Variants in PPARGC1A observed in about 807,000 individuals in gnomAD.
The protein encoded by PPARGC1A is PPARG coactivator 1 alpha.
Under a neutral mutation model 88.7 loss-of-function variants are expected in PPARGC1A, and 25 were observed. The ratio of observed to expected loss-of-function variants is 0.28; its 90% CI spans 0.21 to 0.39. PPARGC1A has a LOEUF of 0.39. Among genes scored for constraint, PPARGC1A ranks in the 10% least tolerant of loss-of-function variants. The probability of loss-of-function intolerance (pLI) is 1.00; values close to 1 mark genes in which losing one functional copy is unlikely to be tolerated. For missense variants in PPARGC1A, 880 were observed against 968.7 expected, an observed-to-expected ratio of 0.91 and a Z score of 1.22; for synonymous variants, 363 against 355.6, an observed-to-expected ratio of 1.02 and a Z score of -0.24.
intron 2 of PPARGC1A, among the ~76,000 whole-genome samples, chr4:23,856,047 C>A (rs2148685731): frequency 6.6e-6 from 1 of 152,298 alleles, no homozygotes; most frequent in African/African-American, 2.4e-5. Context: ...GAACTATCCC[C>A]AGGTTCTCCC....
chr4:23,846,128 TA>T (rs1184713284), intron 2 of PPARGC1A, among the ~76,000 whole-genome samples: 2 of 152,168 alleles, frequency 1.3e-5, no homozygotes, highest in Non-Finnish European at 2.9e-5. Flanking sequence ...AAGACAGGTG[TA>T]AATGGATCTG....
the PPARGC1A span, among the ~76,000 whole-genome samples, chr4:23,992,458 T>C: frequency 6.6e-6 from 1 of 152,062 alleles, no homozygotes; most frequent in East Asian, 1.9e-4. Context: ...ATGGGTATTA[T>C]GTTTCTCAGG....
At chr4:24,338,231 A>G in the PPARGC1A span, among the ~76,000 whole-genome samples, 1 of 152,146 alleles carries the variant, frequency 6.6e-6, no homozygotes, top group African/African-American at 2.4e-5. Context: ...CCACTGAACC[A>G]CACCGAGCGC....
the PPARGC1A span, among the ~76,000 whole-genome samples, chr4:24,238,743 A>ATGTGTGTGTGTGTG: frequency 8.4e-6 from 1 of 118,542 alleles, no homozygotes; most frequent in Non-Finnish European, 1.8e-5. Flanking sequence ...CCAAGGTTGT[A>ATGTGTGTGTGTGTG]TATGTGTGTG....
the PPARGC1A span, among the ~76,000 whole-genome samples, chr4:24,310,169 C>T: frequency 2.0e-5 from 3 of 152,106 alleles, no homozygotes; most frequent in South Asian, 6.2e-4. Flanking sequence ...ACACGTGGAG[C>T]TCAAGAGAGT....
In PPARGC1A at chr4:23,801,721, A is replaced by T. The variant is rs745876081; in HGVS notation, c.2293+9T>A. ...GGATTCCTCATTCCACGTACAATAAAATCCATACCTAGGTCTGCATAGTTA... is the reference window on the plus strand; with the variant it reads ...GGATTCCTCATTCCACGTACAATAATATCCATACCTAGGTCTGCATAGTTA... On this transcript the variant is annotated intron_variant, in intron 12 of 12. Coordinates refer to ENST00000264867, the MANE Select transcript of PPARGC1A (RefSeq NM_013261.5). 17 of 1,613,716 alleles carry T rather than the reference A, an allele frequency of 1.1e-5. No individual in the cohort carries two copies. The highest frequency in any genetic ancestry group is 6.8e-6 in the Non-Finnish European group (8 of 1,179,826).
At chr4:24,228,154 T>C in the PPARGC1A span, among the ~76,000 whole-genome samples, 1 of 152,144 alleles carries the variant, frequency 6.6e-6, no homozygotes, top group African/African-American at 2.4e-5. Context: ...GATAAAGTGA[T>C]CTAATCCTTG....
chr4:24,411,657 G>A, the PPARGC1A span, among the ~76,000 whole-genome samples: 1 of 152,140 alleles, frequency 6.6e-6, no homozygotes, highest in Non-Finnish European at 1.5e-5. Context: ...TAAAAATCCT[G>A]TGTTCCATCT....
the PPARGC1A span, among the ~76,000 whole-genome samples, chr4:23,976,430 C>T: frequency 6.6e-6 from 1 of 152,170 alleles, no homozygotes; most frequent in Non-Finnish European, 1.5e-5. Context: ...AAGTGTATAA[C>T]TTTTGCTTTC....
At chr4:24,176,829 C>G in the PPARGC1A span, among the ~76,000 whole-genome samples, 1 of 152,146 alleles carries the variant, frequency 6.6e-6, no homozygotes, top group East Asian at 1.9e-4. Context: ...CTCAAACCAC[C>G]AGCATGACAC....
chr4:23,979,501 G>T, the PPARGC1A span, among the ~76,000 whole-genome samples: 6 of 152,144 alleles, frequency 3.9e-5, no homozygotes, highest in Non-Finnish European at 8.8e-5. Context: ...GGGGATGGAG[G>T]TTCTATTCTG....
chr4:23,837,361 C>T (rs762895846), intron 2 of PPARGC1A, among the ~76,000 whole-genome samples: 4 of 141,706 alleles, frequency 2.8e-5, no homozygotes, highest in Admixed American at 7.4e-5. Context: ...ATTCCTATTA[C>T]GGAATTTTTT....
At chr4:24,143,145 G>A in the PPARGC1A span, among the ~76,000 whole-genome samples, 12 of 152,180 alleles carry the variant, frequency 7.9e-5, no homozygotes, top group African/African-American at 4.8e-5. Context: ...GTTATTTGGG[G>A]TAAAGGAGAA....
At chr4:24,030,221 G>T in the PPARGC1A span, among the ~76,000 whole-genome samples, 22 of 152,178 alleles carry the variant, frequency 1.4e-4, no homozygotes, top group African/African-American at 5.3e-4. Context: ...CAGAACTTTT[G>T]ATTTCAACGA....
the PPARGC1A span, among the ~76,000 whole-genome samples, chr4:24,452,526 C>G: frequency 2.6e-5 from 4 of 152,330 alleles, no homozygotes; most frequent in South Asian, 2.1e-4. Flanking sequence ...TCCTTGTTGA[C>G]AGCCAGCTAA....
At chr4:24,200,721 G>C in the PPARGC1A span, among the ~76,000 whole-genome samples, 1 of 144,002 alleles carries the variant, frequency 6.9e-6, no homozygotes, top group African/African-American at 2.5e-5. Flanking sequence ...ATGGATACGG[G>C]ACACATGGGT....
the PPARGC1A span, among the ~76,000 whole-genome samples, chr4:24,326,254 A>G: frequency 2.0e-5 from 3 of 152,298 alleles, no homozygotes; most frequent in Admixed American, 1.3e-4. Flanking sequence ...CTCGCCTGCT[A>G]CAGCATGGCC....
the PPARGC1A span, among the ~76,000 whole-genome samples, chr4:24,448,369 A>G: frequency 6.6e-6 from 1 of 152,044 alleles, no homozygotes; most frequent in African/African-American, 2.4e-5. Context: ...CTGCCCTACC[A>G]TCCATCTCTG....
At chr4:24,230,040 C>T in the PPARGC1A span, among the ~76,000 whole-genome samples, 1 of 152,138 alleles carries the variant, frequency 6.6e-6, no homozygotes, top group Non-Finnish European at 1.5e-5. Flanking sequence ...CCCAGCTCCT[C>T]ATTCCACCCT....
Sources: allele counts gnomAD v4.1 joint callset (sites outside exome capture counted in the v4.1 genomes callset), GRCh38; gene constraint gnomAD v4.1.1; transcripts MANE v1.5; gene names NCBI Gene and HGNC (gene_info 2026-07-23, HGNC 2026-07-21).